TRAPPC9: variants seen among roughly 807,000 people sequenced by gnomAD.
The protein encoded by TRAPPC9 is IKK2 binding protein.
TRAPPC9 carries 83 observed loss-of-function variants against 124.0 expected under a neutral mutation model. The ratio of observed to expected loss-of-function variants is 0.67; its 90% CI spans 0.56 to 0.80. TRAPPC9 has a LOEUF of 0.80. TRAPPC9 is among the 30% of genes least tolerant of loss of function. The pLI is 0.00. For synonymous variants in TRAPPC9, 638 were observed against 617.5 expected (o/e 1.03, Z -0.49); for missense variants, 1,302 against 1,508.3 (o/e 0.86, Z 2.27).
chr8:139,905,986 C>T (rs555429850), intron 20 of TRAPPC9, among the ~76,000 whole-genome samples: 28 of 151,870 alleles, frequency 1.8e-4, no homozygotes, highest in African/African-American at 5.3e-4. Flanking sequence ...CCCAGCTACT[C>T]GGGGGGCTGA....
chr8:140,214,429 C>T (rs1019613149), intron 17 of TRAPPC9, among the ~76,000 whole-genome samples: 8 of 152,220 alleles, frequency 5.3e-5, no homozygotes, highest in African/African-American at 1.4e-4. Context: ...TCCAGAGCTG[C>T]TCTTGTTGTT....
chr8:139,828,843 A>T (rs1404926987), intron 21 of TRAPPC9, among the ~76,000 whole-genome samples: 2 of 152,224 alleles, frequency 1.3e-5, no homozygotes, highest in African/African-American at 4.8e-5. Context: ...AATGAATAAG[A>T]GATGAGCAAT....
At chr8:140,413,431 C>T (rs1163316628) in intron 5 of TRAPPC9, among the ~76,000 whole-genome samples, 1 of 150,658 alleles carries the variant, frequency 6.6e-6, no homozygotes, top group African/African-American at 2.4e-5. Context: ...ATCTGGACAC[C>T]ATGATGAAAG....
chr8:140,213,218 TG>T (rs537731224), intron 17 of TRAPPC9, among the ~76,000 whole-genome samples: 1 of 152,200 alleles, frequency 6.6e-6, no homozygotes, highest in Non-Finnish European at 1.5e-5. Flanking sequence ...CAAAACATTC[TG>T]TTTCCTAAGT....
At chr8:140,289,673 C>T (rs2065591827) in intron 12 of TRAPPC9, among the ~76,000 whole-genome samples, 1 of 116,790 alleles carries the variant, frequency 8.6e-6, no homozygotes, top group Non-Finnish European at 1.8e-5. Flanking sequence ...ATGAAAGCTA[C>T]ATTTTAAGAC....
chr8:140,186,959 T>G (rs2062366599), intron 17 of TRAPPC9, among the ~76,000 whole-genome samples: 1 of 152,224 alleles, frequency 6.6e-6, no homozygotes, highest in Admixed American at 6.5e-5. Context: ...TTATTTTTAT[T>G]CCAGTGGGAG....
chr8:139,895,441 T>G (rs897628695), intron 20 of TRAPPC9, among the ~76,000 whole-genome samples: 1 of 152,210 alleles, frequency 6.6e-6, no homozygotes, highest in Non-Finnish European at 1.5e-5. Flanking sequence ...AAATAAATTT[T>G]GTAAGTTTCT....
rs576443977 is a variant in TRAPPC9, at chr8:140,393,578, A to G, written c.1134+4042T>C. Among the ~76,000 whole-genome samples the G allele has an allele frequency of 2.6e-5, 4 of 152,324 alleles. No homozygotes were observed. The East Asian group carries it at 7.7e-4, about 29-fold the overall frequency. ...CTCAGCAGTGAATTCCGTAAAACGA[A>G]AAAACCCTTTCCAATACCACTAAAT... On this transcript the variant is annotated intron_variant, in intron 7 of 22. Coordinates refer to ENST00000438773, the MANE Select transcript of TRAPPC9 (RefSeq NM_001160372.4).
chr8:139,846,093 G>A (rs1422618041), intron 21 of TRAPPC9, among the ~76,000 whole-genome samples: 2 of 152,238 alleles, frequency 1.3e-5, no homozygotes, highest in Non-Finnish European at 2.9e-5. Context: ...TGGCCACGAT[G>A]GGCCTTGAAC....
chr8:140,442,133 T>G (rs2071038856), intron 2 of TRAPPC9, among the ~76,000 whole-genome samples: 1 of 152,182 alleles, frequency 6.6e-6, no homozygotes, highest in African/African-American at 2.4e-5. Flanking sequence ...TCAAAAATAT[T>G]TTTCTAGTAG....
At chr8:140,381,526 G>T (rs532148643) in intron 7 of TRAPPC9, among the ~76,000 whole-genome samples, 1 of 151,144 alleles carries the variant, frequency 6.6e-6, no homozygotes. Flanking sequence ...AAATTAGCTG[G>T]GTGTGGTGGC....
intron 9 of TRAPPC9, among the ~76,000 whole-genome samples, chr8:140,355,999 C>T (rs879281644): frequency 2.0e-5 from 3 of 152,082 alleles, no homozygotes; most frequent in Non-Finnish European, 2.9e-5. Flanking sequence ...TAAGAAAAAA[C>T]GGTGGGGAAG....
At chr8:139,808,660 T>A (rs1183535482) in intron 21 of TRAPPC9, among the ~76,000 whole-genome samples, 6 of 150,876 alleles carry the variant, frequency 4.0e-5, no homozygotes, top group African/African-American at 1.5e-4. Context: ...ATCTACTTTC[T>A]ATCTCTACAG....
intron 15 of TRAPPC9, chr8:140,262,782 T>C (rs747372070): frequency 1.8e-4 from 28 of 152,230 alleles, no homozygotes; most frequent in African/African-American, 3.1e-4. Context: ...TGTTTGATTG[T>C]TGAATAATAC....
rs1029625664 is a variant in TRAPPC9, at chr8:140,344,564, G to A, written c.1495+15486C>T. Among the ~76,000 whole-genome samples, 5 of 152,238 alleles carry A rather than the reference G, an allele frequency of 3.3e-5. No homozygotes were observed. The East Asian group carries it at 9.6e-4, about 29-fold the overall frequency. ...TGATGGTAGCGCCAGGCAGAGAAGG[G>A]TGGGCGTTTGGCTCAGAACTGAGGT... is the stretch of plus-strand genomic sequence containing the variant. On this transcript the variant is annotated intron_variant, in intron 9 of 22. Transcript: ENST00000438773.
chr8:140,323,573 A>T (rs2066656555), intron 9 of TRAPPC9, among the ~76,000 whole-genome samples: 1 of 152,092 alleles, frequency 6.6e-6, no homozygotes, highest in African/African-American at 2.4e-5. Context: ...CTGTTGGAAA[A>T]CTGACTGACT....
intron 16 of TRAPPC9, among the ~76,000 whole-genome samples, chr8:140,240,143 T>G (rs1333527606): frequency 2.6e-5 from 4 of 152,200 alleles, no homozygotes; most frequent in Admixed American, 2.6e-4. Flanking sequence ...TGTTTTTTTT[T>G]CACCCTAGTC....
intron 9 of TRAPPC9, among the ~76,000 whole-genome samples, chr8:140,335,665 T>C (rs1177919816): frequency 1.3e-5 from 2 of 151,452 alleles, no homozygotes. Flanking sequence ...TTTGAATATA[T>C]CAAGAGCTTC....
intron 17 of TRAPPC9, among the ~76,000 whole-genome samples, chr8:140,177,326 G>A (rs531601929): frequency 3.9e-5 from 6 of 152,106 alleles, no homozygotes; most frequent in African/African-American, 1.4e-4. Context: ...ATACATGTGG[G>A]GTTAAGGGTC....
Sources: allele counts gnomAD v4.1 joint callset (sites outside exome capture counted in the v4.1 genomes callset), GRCh38; gene constraint gnomAD v4.1.1; transcripts MANE v1.5; gene names NCBI Gene and HGNC (gene_info 2026-07-23, HGNC 2026-07-21).